USP34: variants seen among roughly 807,000 people sequenced by gnomAD.
USP34 encodes ubiquitin carboxyl-terminal hydrolase 34.
In USP34, 70 loss-of-function variants were observed where a neutral mutation model predicts 460.3. The ratio of observed to expected loss-of-function variants is 0.15; its 90% CI spans 0.13 to 0.19. USP34 has a LOEUF of 0.19. Among genes scored for constraint, USP34 ranks in the 10% least tolerant of loss-of-function variants. The pLI is 1.00. For missense variants in USP34, 3,985 were observed against 4,236.2 expected, an observed-to-expected ratio of 0.94 and a Z score of 1.65; for synonymous variants, 1,647 against 1,405.3, an observed-to-expected ratio of 1.17 and a Z score of -3.85.
In USP34 at chr2:61,318,760, A is replaced by G. The variant is rs570997380; in HGVS notation, c.3168+413T>C. 2.0e-5 allele frequency among the ~76,000 whole-genome samples: 3 copies of G among 152,344 alleles called. No homozygotes were observed. In the South Asian group the frequency reaches 6.2e-4, roughly 32 times the overall value. On this transcript the variant is annotated intron_variant, in intron 22 of 79. Coordinates refer to ENST00000398571, the MANE Select transcript of USP34 (RefSeq NM_014709.4). ...TCTGGAGAATGGCTTATCTTTGCCC[A>G]AAAGACTGACTGCAATGACAGTTAT...
intron 1 of USP34, among the ~76,000 whole-genome samples, chr2:61,430,236 GA>G (rs70963428): frequency 0.36 from 49,013 of 137,924 alleles, 8,211 homozygotes; most frequent in Admixed American, 0.4. Flanking sequence ...AAAAAGAAAA[GA>G]AAAAAAAAAT....
At chr2:61,369,562 G>A (rs1029629590) in intron 10 of USP34, among the ~76,000 whole-genome samples, 1 of 142,576 alleles carries the variant, frequency 7.0e-6, no homozygotes, top group Non-Finnish European at 1.5e-5. Flanking sequence ...AGAATCACTT[G>A]AACCGGGGAG....
chr2:61,280,782 T>C (rs1689512522), intron 38 of USP34, among the ~76,000 whole-genome samples: 3 of 152,258 alleles, frequency 2.0e-5, no homozygotes, highest in Admixed American at 6.5e-5. Context: ...AGAAGAGAGC[T>C]CCATTTATGA....
chr2:61,216,328 C>CG (rs1180524399), intron 67 of USP34, among the ~76,000 whole-genome samples: 1 of 152,136 alleles, frequency 6.6e-6, no homozygotes, highest in Non-Finnish European at 1.5e-5. Flanking sequence ...CGGCTGGGTG[C>CG]GGTGGCTCAT....
chr2:61,465,375 C>G (rs750201353), intron 1 of USP34, among the ~76,000 whole-genome samples: 1 of 152,204 alleles, frequency 6.6e-6, no homozygotes, highest in Non-Finnish European at 1.5e-5. Flanking sequence ...AATATTAATA[C>G]TCTCACCAAA....
chr2:61,246,463 T>A lies in USP34; in HGVS notation c.6409A>T (p.Ser2137Cys). Residue 2137 changes from serine (S) to cysteine (C), a missense_variant, in exon 50 of 80, where the codon AGT becomes TGT. Ser to Cys is a moderately radical substitution (Grantham distance 112). Around this residue, in one of 14 missense-constraint regions of USP34, gnomAD observed 70 missense variants for 78.1 expected, o/e 0.90. Transcript: ENST00000398571. ...SERKEGFKEVSDHSKDSESYE... is the reference protein window; with the variant it reads ...SERKEGFKEVCDHSKDSESYE... The stretch of plus-strand genomic sequence containing the variant: ...CTCTCTGAGTCTTTTGAATGATCAC[T>A]GACTTCTTTAAAACCTGAAATGATT... The A allele has an allele frequency of 6.4e-7, 1 of 1,564,970 alleles. No homozygotes were observed. Among genetic ancestry groups the A allele is most frequent in the Non-Finnish European group, 8.7e-7 (1 of 1,155,188 alleles).
In USP34 at chr2:61,349,326, G is replaced by T; in HGVS notation, c.1508-41C>A. Reference sequence around the variant, plus strand: ...AAAACAGGAGAAAAACATTCTAAGTGACTCAGCTTCTTTGAGACAGCGTAT... The same window carrying T: ...AAAACAGGAGAAAAACATTCTAAGTTACTCAGCTTCTTTGAGACAGCGTAT... On this transcript the variant is annotated intron_variant, in intron 12 of 79. Transcript: ENST00000398571. 1.9e-6 allele frequency: 3 copies of T among 1,597,984 alleles called. No individual in the cohort carries two copies. In the South Asian group the frequency reaches 3.4e-5, roughly 18 times the overall value.
intron 34 of USP34, 34 bp downstream of exon 34, chr2:61,288,643 A>T: frequency 6.3e-7 from 1 of 1,591,030 alleles, no homozygotes; most frequent in Non-Finnish European, 8.6e-7. Context: ...AAATAAATGG[A>T]ATTCATCATT....
intron 1 of USP34, among the ~76,000 whole-genome samples, chr2:61,430,479 G>A (rs562056733): frequency 2.6e-5 from 4 of 152,314 alleles, no homozygotes; most frequent in South Asian, 2.1e-4. Context: ...ACAATGCAGA[G>A]TTGGTGGTGG....
chr2:61,425,504 G>C (rs559640962), intron 1 of USP34, among the ~76,000 whole-genome samples: 27 of 152,160 alleles, frequency 1.8e-4, no homozygotes, highest in African/African-American at 6.3e-4. Context: ...TGTGAGAGCA[G>C]AAAAGAAAAC....
At position 61,336,512 on chromosome 2, in the gene USP34, A is replaced by C. The variant is rs530299160; in HGVS notation, c.2745-2541T>G. 3.1e-4 allele frequency among the ~76,000 whole-genome samples: 46 copies of C among 150,012 alleles called. 1 individual carries two copies. In the South Asian group the frequency reaches 9.5e-3, roughly 31 times the overall value. Reference sequence around the variant, plus strand: ...TGAGTAACAAATAGGCACAAAGAGAAAAAAAAAAAACCTCAAGCTGGGTGC... The same window carrying C: ...TGAGTAACAAATAGGCACAAAGAGACAAAAAAAAAACCTCAAGCTGGGTGC... On this transcript the variant is annotated intron_variant, in intron 18 of 79. Coordinates refer to ENST00000398571, the MANE Select transcript of USP34 (RefSeq NM_014709.4).
intron 67 of USP34, 113 bp from the exon 68 acceptor site, chr2:61,214,807 G>A (rs1687354125): frequency 8.3e-7 from 1 of 1,200,660 alleles, no homozygotes; most frequent in Non-Finnish European, 1.1e-6. Flanking sequence ...GAATAAAAAG[G>A]GACATGAACA....
chr2:61,383,512 G>A (rs1693039918), intron 5 of USP34, among the ~76,000 whole-genome samples, 176 bp from the exon 6 acceptor site: 1 of 152,236 alleles, frequency 6.6e-6, no homozygotes, highest in South Asian at 2.1e-4. Flanking sequence ...AGATCAGCCT[G>A]GCCAACACAG....
intron 51 of USP34, among the ~76,000 whole-genome samples, chr2:61,243,289 G>A (rs1688324830): frequency 6.6e-6 from 1 of 152,070 alleles, no homozygotes; most frequent in South Asian, 2.1e-4. Context: ...TGGGACTACA[G>A]GCACCCGCCA....
chr2:61,421,578 C>T (rs1694358430), intron 1 of USP34, among the ~76,000 whole-genome samples: 1 of 152,108 alleles, frequency 6.6e-6, no homozygotes, highest in South Asian at 2.1e-4. Flanking sequence ...TACAAGAAAG[C>T]ATTTTTGAGG....
intron 20 of USP34, among the ~76,000 whole-genome samples, chr2:61,330,916 G>A (rs1691241026): frequency 6.6e-6 from 1 of 152,002 alleles, no homozygotes; most frequent in South Asian, 2.1e-4. Flanking sequence ...TATTTTTGAA[G>A]TAAATATTTA....
At chr2:61,269,798 T>C (rs1042406855) in intron 41 of USP34, among the ~76,000 whole-genome samples, 2 of 152,038 alleles carry the variant, frequency 1.3e-5, no homozygotes, top group Non-Finnish European at 2.9e-5. Flanking sequence ...TGATACATAA[T>C]AATTATATAT....
chr2:61,406,702 TAAAA>T (rs35191538), intron 2 of USP34, among the ~76,000 whole-genome samples: 1 of 144,230 alleles, frequency 6.9e-6, no homozygotes, highest in Admixed American at 6.9e-5. Context: ...TATGTGTATT[TAAAA>T]AAAAAAAAAA....
At chr2:61,456,680 T>C (rs1368552164) in intron 1 of USP34, among the ~76,000 whole-genome samples, 1 of 151,290 alleles carries the variant, frequency 6.6e-6, no homozygotes, top group Non-Finnish European at 1.5e-5. Flanking sequence ...TGGCCAGGCA[T>C]GGTGGTTCAC....
Sources: allele counts gnomAD v4.1 joint callset (sites outside exome capture counted in the v4.1 genomes callset), GRCh38; gene constraint gnomAD v4.1.1; regional missense constraint gnomAD v4.1.1; transcripts MANE v1.5; gene names NCBI Gene and HGNC (gene_info 2026-07-23, HGNC 2026-07-21).